The following AUTS2 variants were observed in gnomAD, a reference collection of about 807,000 sequenced individuals.
AUTS2 encodes activator of transcription and developmental regulator AUTS2.
A neutral mutation model predicts 112.4 loss-of-function variants in AUTS2; 17 were observed. That is an observed-to-expected ratio of 0.15 (90% CI 0.10 to 0.23). The LOEUF (loss-of-function observed/expected upper bound fraction) is 0.23, where lower values mean the gene tolerates loss of function less well. Among genes scored for constraint, AUTS2 ranks in the 10% least tolerant of loss-of-function variants. The pLI, the probability that AUTS2 is intolerant of heterozygous loss-of-function variation, is 1.00. For missense variants in AUTS2, 1,510 were observed against 1,701.6 expected (o/e 0.89, Z 1.98); for synonymous variants, 751 against 702.7 (o/e 1.07, Z -1.09).
At chr7:70,713,281 CACTA>C (rs1190965141) in intron 6 of AUTS2, among the ~76,000 whole-genome samples, 4 of 152,242 alleles carry the variant, frequency 2.6e-5, no homozygotes, top group Non-Finnish European at 5.9e-5. Context: ...CCGTGATTAC[CACTA>C]ACTATTTTGT....
intron 1 of AUTS2, among the ~76,000 whole-genome samples, chr7:69,690,100 T>G (rs927226428): frequency 9.9e-5 from 15 of 152,224 alleles, no homozygotes; most frequent in Admixed American, 9.8e-4. Flanking sequence ...AAATTTTACT[T>G]TTTTGGTCTG....
intron 4 of AUTS2, among the ~76,000 whole-genome samples, chr7:70,407,146 C>T (rs1218684243): frequency 1.3e-5 from 2 of 152,194 alleles, no homozygotes. Flanking sequence ...TTGATAGCTG[C>T]TGAGGAGGTA....
intron 2 of AUTS2, among the ~76,000 whole-genome samples, chr7:70,100,738 G>C (rs1369278680): frequency 6.6e-6 from 1 of 152,112 alleles, no homozygotes; most frequent in Non-Finnish European, 1.5e-5. Flanking sequence ...GGTAGCAAAT[G>C]ACATTGGGCC....
chr7:70,772,173 C>T (rs1790393641), intron 11 of AUTS2, among the ~76,000 whole-genome samples: 1 of 152,172 alleles, frequency 6.6e-6, no homozygotes, highest in African/African-American at 2.4e-5. Context: ...TGGTCGCCTC[C>T]CATTTTGGTC....
chr7:70,612,196 G>A (rs985991137), intron 5 of AUTS2, among the ~76,000 whole-genome samples: 2 of 152,122 alleles, frequency 1.3e-5, no homozygotes, highest in Non-Finnish European at 2.9e-5. Context: ...TAAAGAATAC[G>A]TATTTTATGT....
intron 1 of AUTS2, among the ~76,000 whole-genome samples, chr7:69,878,873 G>T (rs1793917572): frequency 6.6e-6 from 1 of 152,140 alleles, no homozygotes; most frequent in African/African-American, 2.4e-5. Flanking sequence ...TTAAGATAGG[G>T]TGTCCTGCTA....
chr7:70,363,953 AC>A (rs1792412321), intron 4 of AUTS2, among the ~76,000 whole-genome samples: 1 of 152,182 alleles, frequency 6.6e-6, no homozygotes, highest in Admixed American at 6.5e-5. Context: ...TAGATTGCAA[AC>A]TACTCAGAGC....
Position 70,427,596 on chromosome 7 carries a change from A to T in AUTS2, c.661-8156A>T, listed in dbSNP as rs551440045. 3.5e-4 allele frequency among the ~76,000 whole-genome samples: 53 copies of T among 152,350 alleles called. 1 individual carries two copies. The highest frequency in any genetic ancestry group is 1.3e-3 in the African/African-American group (52 of 41,570). On this transcript the variant is annotated intron_variant, in intron 4 of 18. Transcript: ENST00000342771. ...ATTTCAAAGTGACAAAAAGGAAAAAAAATATTAGAATTTAATTTATGAGCT... is the reference window on the plus strand; with the variant it reads ...ATTTCAAAGTGACAAAAAGGAAAAATAATATTAGAATTTAATTTATGAGCT...
intron 2 of AUTS2, among the ~76,000 whole-genome samples, chr7:69,958,948 A>G (rs1021896162): frequency 6.6e-6 from 1 of 152,182 alleles, no homozygotes; most frequent in African/African-American, 2.4e-5. Flanking sequence ...CTTCTGTGAT[A>G]TGTACACCAG....
At chr7:70,620,332 C>A (rs569349496) in intron 5 of AUTS2, among the ~76,000 whole-genome samples, 1 of 152,290 alleles carries the variant, frequency 6.6e-6, no homozygotes, top group South Asian at 2.1e-4. Context: ...GGAACCTGAG[C>A]ACACAGCTCC....
At chr7:69,807,672 T>C (rs1282199052) in intron 1 of AUTS2, among the ~76,000 whole-genome samples, 1 of 152,202 alleles carries the variant, frequency 6.6e-6, no homozygotes, top group Non-Finnish European at 1.5e-5. Flanking sequence ...AAATGTTATC[T>C]GGGGCCACTG....
At chr7:70,646,179 A>G (rs1563099033) in intron 5 of AUTS2, among the ~76,000 whole-genome samples, 1 of 152,210 alleles carries the variant, frequency 6.6e-6, no homozygotes, top group Non-Finnish European at 1.5e-5. Flanking sequence ...TTGAGCTTCA[A>G]TTCAGAGCTC....
At chr7:70,083,550 C>G (rs928661570) in intron 2 of AUTS2, among the ~76,000 whole-genome samples, 1 of 152,138 alleles carries the variant, frequency 6.6e-6, no homozygotes, top group Non-Finnish European at 1.5e-5. Flanking sequence ...TTGTTTGTAA[C>G]AACTTTATTG....
chr7:70,348,543 G>A (rs1585043576), intron 4 of AUTS2, among the ~76,000 whole-genome samples: 1 of 152,072 alleles, frequency 6.6e-6, no homozygotes, highest in Non-Finnish European at 1.5e-5. Context: ...GGTGGCTCAC[G>A]CCTGTAATCC....
chr7:70,761,641 T>C (rs1789570542), intron 6 of AUTS2, among the ~76,000 whole-genome samples: 1 of 152,216 alleles, frequency 6.6e-6, no homozygotes, highest in South Asian at 2.1e-4. Context: ...TTATTCTGTT[T>C]TGAGATTTTT....
chr7:69,938,037 C>G (rs944753902), intron 2 of AUTS2, among the ~76,000 whole-genome samples: 1 of 152,206 alleles, frequency 6.6e-6, no homozygotes, highest in Non-Finnish European at 1.5e-5. Flanking sequence ...TTACAGAATT[C>G]TCTGCCTTTA....
At chr7:69,954,644 G>A (rs1182199033) in intron 2 of AUTS2, among the ~76,000 whole-genome samples, 2 of 152,298 alleles carry the variant, frequency 1.3e-5, no homozygotes, top group South Asian at 2.1e-4. Flanking sequence ...AAAACAGAAC[G>A]CCAGTTTGTT....
chr7:70,417,033 T>C (rs1795015939), intron 4 of AUTS2, among the ~76,000 whole-genome samples: 1 of 152,090 alleles, frequency 6.6e-6, no homozygotes, highest in African/African-American at 2.4e-5. Context: ...GCCCCCAGTC[T>C]ATCTTCTGTG....
chr7:70,591,416 T>TTTG (rs1802940561), intron 5 of AUTS2, among the ~76,000 whole-genome samples: 1 of 109,012 alleles, frequency 9.2e-6, no homozygotes, highest in Non-Finnish European at 2.0e-5. Flanking sequence ...TTGTTTGTTT[T>TTTG]GAGACAGGGT....
Sources: gnomAD v4.1 joint callset for allele counts (sites outside exome capture counted in the v4.1 genomes callset) on GRCh38, gnomAD v4.1.1 for gene constraint, MANE v1.5 for transcripts, NCBI Gene and HGNC (gene_info 2026-07-23, HGNC 2026-07-21) for gene names.